The following TTC27 variants were observed in gnomAD, a reference collection of about 807,000 sequenced individuals.
TTC27 encodes the protein tetratricopeptide repeat domain 27.
TTC27 carries 79 observed loss-of-function variants against 115.9 expected under a neutral mutation model. That is an observed-to-expected ratio of 0.68 (90% CI 0.57 to 0.82). The LOEUF (loss-of-function observed/expected upper bound fraction) is 0.82, where lower values mean the gene tolerates loss of function less well. Ranked by LOEUF, TTC27 falls within the 40% of genes least tolerant of loss-of-function variation. The probability of loss-of-function intolerance (pLI) is 0.00; values close to 1 mark genes in which losing one functional copy is unlikely to be tolerated. For missense variants in TTC27, 1,054 were observed against 993.1 expected, an observed-to-expected ratio of 1.06 and a Z score of -0.82; for synonymous variants, 401 against 356.0, an observed-to-expected ratio of 1.13 and a Z score of -1.42.
chr2:32,628,458 C>A, intron 1 of TTC27, 78 bp downstream of exon 1: 1 of 1,341,610 alleles, frequency 7.5e-7, no homozygotes, highest in Non-Finnish European at 1.0e-6. Context: ...GATTCTCATC[C>A]CTCCCTTCAT....
intron 11 of TTC27, among the ~76,000 whole-genome samples, chr2:32,734,481 C>G (rs1668389752): frequency 6.6e-6 from 1 of 152,152 alleles, no homozygotes; most frequent in African/African-American, 2.4e-5. Flanking sequence ...ATTTGGTATA[C>G]TTTAAGTTGT....
rs180741462 is a variant in TTC27, at chr2:32,817,493, A to G, written c.2345A>G (p.Gln782Arg). 9 of 1,614,114 alleles carry G rather than the reference A, an allele frequency of 5.6e-6. No individual in the cohort carries two copies. In the East Asian group the frequency reaches 2.0e-4, roughly 36 times the overall value. Reference protein sequence around the residue: ...IKCSKNKSSSQEAVQMLSSVR... With the variant: ...IKCSKNKSSSREAVQMLSSVR... ...TGCAGTAAAAACAAATCCAGTTCCC[A>G]AGAAGCTGTACAAATGCTTTCTTCT... Residue 782 changes from glutamine to arginine, a missense_variant, in exon 19 of 20, where the codon CAA (glutamine) becomes CGA (arginine). Gln to Arg is a conservative substitution (Grantham distance 43). Transcript: ENST00000317907.
chr2:32,665,900 A>G (rs889165089), intron 6 of TTC27, among the ~76,000 whole-genome samples: 1 of 152,208 alleles, frequency 6.6e-6, no homozygotes, highest in Non-Finnish European at 1.5e-5. Flanking sequence ...ATAAAAAATA[A>G]AATAAAATAA....
At chr2:32,659,199 C>G (rs571200930) in intron 5 of TTC27, among the ~76,000 whole-genome samples, 3 of 152,254 alleles carry the variant, frequency 2.0e-5, no homozygotes, top group African/African-American at 7.2e-5. Context: ...CTCCTGGCTT[C>G]AAGCAATCTT....
intron 3 of TTC27, among the ~76,000 whole-genome samples, chr2:32,634,921 T>C (rs1664354898): frequency 6.6e-6 from 1 of 152,124 alleles, no homozygotes; most frequent in East Asian, 1.9e-4. Context: ...CCTCCCAAAG[T>C]GCTGGGTTTA....
At chr2:32,752,123 C>T (rs142008502) in intron 12 of TTC27, among the ~76,000 whole-genome samples, 1 of 152,284 alleles carries the variant, frequency 6.6e-6, no homozygotes, top group African/African-American at 2.4e-5. Flanking sequence ...AAGTCTCTCC[C>T]ACCCTGGGTT....
intron 7 of TTC27, among the ~76,000 whole-genome samples, chr2:32,666,988 G>A (rs1196170313): frequency 6.7e-6 from 1 of 150,132 alleles, no homozygotes; most frequent in Non-Finnish European, 1.5e-5. Context: ...TTCCTAACCT[G>A]TATATAGAGA....
intron 12 of TTC27, among the ~76,000 whole-genome samples, chr2:32,751,079 G>A (rs1236417608): frequency 6.6e-6 from 1 of 152,134 alleles, no homozygotes; most frequent in Non-Finnish European, 1.5e-5. Context: ...TTATTGTGTA[G>A]AGAATAGCAC....
At position 32,769,487 on chromosome 2, in the gene TTC27, C is replaced by G. The variant is rs114519777; in HGVS notation, c.1681-8395C>G. Reference sequence around the variant, plus strand: ...AGAGACAAATGTAGAGTGTTGTACTCAGAGGGGCAGAAAAGTCAGGTAAAA... The same window carrying G: ...AGAGACAAATGTAGAGTGTTGTACTGAGAGGGGCAGAAAAGTCAGGTAAAA... On this transcript the variant is annotated intron_variant, in intron 13 of 19. Coordinates refer to ENST00000317907, the MANE Select transcript of TTC27 (RefSeq NM_017735.5). Among the ~76,000 whole-genome samples the G allele has an allele frequency of 7.3e-3, 1,116 of 152,158 alleles. 14 individuals carry two copies. Among genetic ancestry groups the G allele is most frequent in the African/African-American group, 0.026 (1,067 of 41,508 alleles).
At chr2:32,666,307 C>T (rs1161360890) in intron 6 of TTC27, among the ~76,000 whole-genome samples, 2 of 150,876 alleles carry the variant, frequency 1.3e-5, no homozygotes, top group East Asian at 3.9e-4. Context: ...TTTCTGTCAT[C>T]TGTGAAAAAG....
At chr2:32,636,488 A>G (rs7599125) in intron 3 of TTC27, among the ~76,000 whole-genome samples, 71,867 of 151,996 alleles carry the variant, frequency 0.47, 17,319 homozygotes, top group East Asian at 0.67. Context: ...TGTTAGGATT[A>G]TGGTGTGAGC....
chr2:32,686,240 A>T lies in TTC27; in HGVS notation c.1119+7318A>T, dbSNP rs189405907. ...TCGGAAGGCTCAGTATGTTGAATTC[A>T]CAATTCTTGTAAAATTGAGCTTCAA... On this transcript the variant is annotated intron_variant, in intron 9 of 19. Transcript: ENST00000317907. Among the ~76,000 whole-genome samples the T allele has an allele frequency of 5.2e-4, 79 of 152,334 alleles. 1 individual carries two copies. The highest frequency in any genetic ancestry group is 3.8e-3 in the Admixed American group (58 of 15,298).
intron 12 of TTC27, among the ~76,000 whole-genome samples, chr2:32,745,010 T>G (rs1157432380): frequency 8.2e-6 from 1 of 122,408 alleles, no homozygotes; most frequent in Non-Finnish European, 1.6e-5. Flanking sequence ...ATCACGCCAC[T>G]GCACTCCAGC....
intron 3 of TTC27, among the ~76,000 whole-genome samples, chr2:32,638,013 C>G (rs1055148568): frequency 4.6e-5 from 7 of 152,232 alleles, no homozygotes; most frequent in African/African-American, 1.7e-4. Context: ...ATAGCCCTAG[C>G]CCTTCCTGAG....
chr2:32,764,427 A>G (rs956514482), intron 13 of TTC27, among the ~76,000 whole-genome samples: 2 of 152,190 alleles, frequency 1.3e-5, no homozygotes, highest in African/African-American at 4.8e-5. Flanking sequence ...AAATACCTTA[A>G]TTTAAACCTA....
At chr2:32,721,405 C>G (rs950394987) in intron 10 of TTC27, among the ~76,000 whole-genome samples, 1 of 152,112 alleles carries the variant, frequency 6.6e-6, no homozygotes, top group African/African-American at 2.4e-5. Context: ...AAGAGATCAT[C>G]AGGCCTTTCT....
At chr2:32,676,493 G>GTTTTTTTTTTTTTTTTT (rs5830238) in intron 8 of TTC27, among the ~76,000 whole-genome samples, 1 of 133,910 alleles carries the variant, frequency 7.5e-6, no homozygotes, top group Non-Finnish European at 1.6e-5. Flanking sequence ...TTTTCATTCT[G>GTTTTTTTTTTTTTTTTT]TTTTTTTTTT....
chr2:32,731,050 TC>T (rs1414180068), intron 10 of TTC27, among the ~76,000 whole-genome samples: 1 of 152,164 alleles, frequency 6.6e-6, no homozygotes, highest in Non-Finnish European at 1.5e-5. Context: ...AGGCTAGAGT[TC>T]CGTTGCGTGT....
intron 16 of TTC27, among the ~76,000 whole-genome samples, chr2:32,801,111 T>C (rs145236539): frequency 6.0e-4 from 91 of 152,238 alleles, no homozygotes; most frequent in African/African-American, 2.1e-3. Context: ...AACCAGAAAA[T>C]GATTTCCAGA....
Sources: allele counts gnomAD v4.1 joint callset (sites outside exome capture counted in the v4.1 genomes callset), GRCh38; gene constraint gnomAD v4.1.1; transcripts MANE v1.5; gene names NCBI Gene and HGNC (gene_info 2026-07-23, HGNC 2026-07-21).